Variants in KDR observed in about 807,000 individuals in gnomAD.
The protein encoded by KDR is kinase insert domain receptor, also known as vascular endothelial growth factor receptor 2.
Under a neutral mutation model 160.9 loss-of-function variants are expected in KDR, and 43 were observed. That is an observed-to-expected ratio of 0.27 (90% CI 0.21 to 0.34). KDR has a LOEUF of 0.34. KDR is among the 10% of genes least tolerant of loss of function. The probability of loss-of-function intolerance (pLI) is 1.00; values close to 1 mark genes in which losing one functional copy is unlikely to be tolerated. For missense variants in KDR, 1,469 were observed against 1,666.4 expected (o/e 0.88, Z 2.06); for synonymous variants, 617 against 600.1 (o/e 1.03, Z -0.41).
At position 55,110,770 on chromosome 4, in the gene KDR, T is replaced by TA. The variant is rs1720560565; in HGVS notation, c.977-3_977-2insT. On this transcript the variant is annotated splice_polypyrimidine_tract_variant and splice_region_variant and intron_variant, in intron 7 of 29. Coordinates refer to ENST00000263923, the MANE Select transcript of KDR (RefSeq NM_002253.4). ...TTCCAAAAGCAACAAAAGGTTTTTC[T>TA]GGAAGAAAATAAAAAAAAAAAAAGG... The TA allele has an allele frequency of 1.9e-6, 3 of 1,554,958 alleles. No homozygotes were observed. Among genetic ancestry groups the TA allele is most frequent in the Admixed American group, 1.9e-5 (1 of 52,934 alleles).
At chr4:55,086,755 G>A (rs553132336) in intron 27 of KDR, among the ~76,000 whole-genome samples, 241 of 152,288 alleles carry the variant, frequency 1.6e-3, no homozygotes, top group African/African-American at 5.7e-3. Context: ...CCCCTGCCAT[G>A]TGGCAACCTG....
intron 27 of KDR, among the ~76,000 whole-genome samples, chr4:55,084,121 A>AG (rs1719802513): frequency 6.6e-6 from 1 of 152,224 alleles, no homozygotes; most frequent in Non-Finnish European, 1.5e-5. Flanking sequence ...GAGGAAACCA[A>AG]GGCATAGAAA....
intron 14 of KDR, 91 bp from the exon 15 acceptor site, chr4:55,102,119 TC>T: frequency 6.5e-7 from 1 of 1,545,180 alleles, no homozygotes; most frequent in Non-Finnish European, 8.9e-7. Flanking sequence ...ATGCTGCCCT[TC>T]ATCTTGTTCT....
At chr4:55,081,352 T>C (rs187281399) in intron 29 of KDR, among the ~76,000 whole-genome samples, 402 of 152,280 alleles carry the variant, frequency 2.6e-3, no homozygotes, top group Non-Finnish European at 4.6e-3. Flanking sequence ...ACACTTATTC[T>C]ATTATTCTTA....
At chr4:55,088,225 G>A (rs1015722471) in intron 26 of KDR, among the ~76,000 whole-genome samples, 3 of 152,174 alleles carry the variant, frequency 2.0e-5, no homozygotes, top group African/African-American at 7.2e-5. Context: ...TTGAGAAAAG[G>A]TTGCACAACT....
chr4:55,097,542 G>T, intron 18 of KDR, 120 bp downstream of exon 18: 1 of 705,162 alleles, frequency 1.4e-6, no homozygotes. Flanking sequence ...CATTATTTAG[G>T]CTGACTGCAT....
At chr4:55,114,033 A>T in intron 6 of KDR, 93 bp downstream of exon 6, 1 of 1,319,112 alleles carries the variant, frequency 7.6e-7, no homozygotes, top group Admixed American at 1.7e-5. Context: ...CTTACATTTT[A>T]TCTGGCCAAA....
chr4:55,125,223 T>A lies in KDR; in HGVS notation c.67+4A>T. ...GCCTTCCTCCTCCAGAGTGGGCTCC[T>A]TACCCACAGAGGCGGCCCGGGTCTC... On this transcript the variant is annotated splice_donor_region_variant and intron_variant, in intron 1 of 29. Coordinates refer to ENST00000263923, the MANE Select transcript of KDR (RefSeq NM_002253.4). 1 of 1,611,940 alleles carries A rather than the reference T, an allele frequency of 6.2e-7. No individual in the cohort carries two copies. The highest frequency in any genetic ancestry group is 8.5e-7 in the Non-Finnish European group (1 of 1,179,302).
Position 55,079,173 on chromosome 4 carries a change from G to C in KDR, c.*768C>G. The C allele has an allele frequency of 4.3e-6, 1 of 233,492 alleles. No individual in the cohort carries two copies. Among genetic ancestry groups the C allele is most frequent in the Non-Finnish European group, 8.5e-6 (1 of 118,244 alleles). 14.5% of individuals were successfully genotyped at this position (233,492 alleles called of 1,614,324 possible). On this transcript the variant is annotated 3_prime_UTR_variant, in exon 30 of 30. Transcript: ENST00000263923. ...TATTCTGAATAAAGGATCAGCCTGG[G>C]AGACAAGGAGCCAGAGCTGCATCAT...
chr4:55,101,824 G>A (rs1720316294), intron 15 of KDR, 73 bp downstream of exon 15: 2 of 1,302,958 alleles, frequency 1.5e-6, no homozygotes, highest in Non-Finnish European at 2.2e-6. Context: ...CAAAGGACAT[G>A]ATCAGATTCC....
At chr4:55,116,642 T>G (rs1231989955) in intron 3 of KDR, among the ~76,000 whole-genome samples, 1 of 152,066 alleles carries the variant, frequency 6.6e-6, no homozygotes, top group Non-Finnish European at 1.5e-5. Flanking sequence ...AAAGAGTTAA[T>G]TAAACCACAG....
chr4:55,094,978 ACAAACT>A, intron 20 of KDR, 23 bp from the exon 21 acceptor site: 1 of 1,611,896 alleles, frequency 6.2e-7, no homozygotes, highest in Non-Finnish European at 8.5e-7. Context: ...AAAGGAACAA[ACAAACT>A]CCTTGAATAC....
intron 6 of KDR, among the ~76,000 whole-genome samples, chr4:55,113,777 C>T (rs928349343): frequency 6.6e-6 from 1 of 152,172 alleles, no homozygotes; most frequent in Non-Finnish European, 1.5e-5. Flanking sequence ...TCTCATGCCA[C>T]CTCTTAAAGA....
At position 55,120,432 on chromosome 4, in the gene KDR, CTCT is replaced by C. The variant is rs566364238; in HGVS notation, c.161+662_161+664del. The stretch of plus-strand genomic sequence containing the variant: ...GGGTTGAAAGGCAAAATTTAAAGGC[CTCT>C]TCTTCTTGACAAAGAAGTCTACTTC... On this transcript the variant is annotated intron_variant, in intron 2 of 29. Transcript: ENST00000263923. 1.2e-3 allele frequency among the ~76,000 whole-genome samples: 186 copies of C among 152,194 alleles called. 1 individual carries two copies. The highest frequency in any genetic ancestry group is 4.3e-3 in the African/African-American group (178 of 41,514).
intron 22 of KDR, 76 bp from the exon 23 acceptor site, chr4:55,090,154 A>G (rs1367422874): frequency 7.2e-7 from 1 of 1,379,984 alleles, no homozygotes; most frequent in African/African-American, 1.4e-5. Flanking sequence ...CTCATGCATC[A>G]AAAAAAAATC....
chr4:55,114,722 G>A (rs1720689149), intron 5 of KDR, 152 bp downstream of exon 5: 1 of 708,086 alleles, frequency 1.4e-6, no homozygotes. Flanking sequence ...TTGCACATGG[G>A]TTTATTTGGT....
intron 26 of KDR, among the ~76,000 whole-genome samples, chr4:55,088,210 G>T (rs1209306548): frequency 6.6e-6 from 1 of 152,160 alleles, no homozygotes; most frequent in African/African-American, 2.4e-5. Context: ...AGGAAAATGG[G>T]TCTTTTGAGA....
rs770118276 is a variant in KDR at position 55,110,670 on chromosome 4, G to A, written c.1075C>T (p.Pro359Ser). Residue 359 changes from proline to serine, a missense_variant, in exon 8 of 30, where the codon CCC becomes TCC. Pro to Ser is a moderately conservative substitution (Grantham distance 74). Around this residue, in one of 7 missense-constraint regions of KDR, gnomAD observed 792 missense variants for 840.9 expected, o/e 0.94. Coordinates refer to ENST00000263923, the MANE Select transcript of KDR (RefSeq NM_002253.4). ...AGTAGTTACCATTTTATTTCTGGGG[G>A]TGGGTAACCAAGGTACTTCGCAGGG... is the stretch of plus-strand genomic sequence containing the variant. The part of the protein sequence containing the change: ...RIPAKYLGYP[P>S]PEIKWYKNGI... 1.9e-6 allele frequency: 3 copies of A among 1,613,712 alleles called. No individual in the cohort carries two copies. The highest frequency in any genetic ancestry group is 2.5e-6 in the Non-Finnish European group (3 of 1,179,822).
Position 55,097,782 on chromosome 4 carries a change from ACAG to A in KDR, c.2510-19_2510-17del. ...AGAGGCTTACCTAGAGTCAACAACAACAGCAACAAGAAAACAGACTTGGATTAC... is the reference window on the plus strand; with the variant it reads ...AGAGGCTTACCTAGAGTCAACAACAACAACAAGAAAACAGACTTGGATTAC... On this transcript the variant is annotated splice_polypyrimidine_tract_variant and intron_variant, in intron 17 of 29. Coordinates refer to ENST00000263923, the MANE Select transcript of KDR (RefSeq NM_002253.4). The A allele has an allele frequency of 1.3e-6, 2 of 1,562,966 alleles. No homozygotes were observed. Among genetic ancestry groups the A allele is most frequent in the Non-Finnish European group, 8.8e-7 (1 of 1,134,372 alleles).
Sources: allele counts gnomAD v4.1 joint callset (sites outside exome capture counted in the v4.1 genomes callset), GRCh38; gene constraint gnomAD v4.1.1; regional missense constraint gnomAD v4.1.1; transcripts MANE v1.5; gene names NCBI Gene and HGNC (gene_info 2026-07-23, HGNC 2026-07-21).